Variants in SPIN1 observed in about 807,000 individuals in gnomAD.
SPIN1 encodes spindlin-1.
A neutral mutation model predicts 26.0 loss-of-function variants in SPIN1; 3 were observed. The observed-to-expected ratio is 0.12, with a 90% CI of 0.05 to 0.30. The LOEUF (loss-of-function observed/expected upper bound fraction) is 0.30, where lower values mean the gene tolerates loss of function less well. Ranked by LOEUF, SPIN1 falls within the 10% of genes least tolerant of loss-of-function variation. The pLI is 1.00. For missense variants in SPIN1, 126 were observed against 333.4 expected (o/e 0.38, Z 4.84); for synonymous variants, 101 against 116.5 (o/e 0.87, Z 0.86).
At chr9:88,464,743 T>C (rs1828628617) in intron 4 of SPIN1, among the ~76,000 whole-genome samples, 1 of 138,428 alleles carries the variant, frequency 7.2e-6, no homozygotes, top group Non-Finnish European at 1.5e-5. Flanking sequence ...GACTAACTAC[T>C]TTTTTTTTAA....
chr9:88,459,900 C>G (rs565401942), intron 3 of SPIN1, among the ~76,000 whole-genome samples: 32 of 152,258 alleles, frequency 2.1e-4, no homozygotes, highest in African/African-American at 7.5e-4. Context: ...TTTTCTTTTC[C>G]TTGAGAACCT....
At chr9:88,459,427 C>A (rs1828533344) in intron 3 of SPIN1, among the ~76,000 whole-genome samples, 1 of 152,110 alleles carries the variant, frequency 6.6e-6, no homozygotes, top group Admixed American at 6.5e-5. Context: ...AGTAAAGTTA[C>A]AGACTTTTTG....
At chr9:88,463,843 C>T (rs1161295426) in intron 4 of SPIN1, among the ~76,000 whole-genome samples, 1 of 152,194 alleles carries the variant, frequency 6.6e-6, no homozygotes, top group South Asian at 2.1e-4. Flanking sequence ...ATCACCTGCT[C>T]TTCCTCTTGA....
intron 2 of SPIN1, among the ~76,000 whole-genome samples, chr9:88,441,454 C>G (rs775725405): frequency 2.8e-5 from 4 of 141,702 alleles, no homozygotes; most frequent in Non-Finnish European, 4.5e-5. Context: ...TACATTGTTG[C>G]TCAATTAAGA....
chr9:88,437,433 A>G (rs1000622940), intron 2 of SPIN1, among the ~76,000 whole-genome samples: 1 of 151,842 alleles, frequency 6.6e-6, no homozygotes, highest in African/African-American at 2.4e-5. Context: ...AGGAGGGAGA[A>G]GCTTCAGTGA....
Position 88,468,381 on chromosome 9 carries a change from G to A in SPIN1, c.365G>A (p.Arg122Gln). 6.5e-7 allele frequency: 1 copy of A among 1,527,894 alleles called. No individual in the cohort carries two copies. Among genetic ancestry groups the A allele is most frequent in the Non-Finnish European group, 8.8e-7 (1 of 1,134,602 alleles). 94.6% of individuals were successfully genotyped at this position (1,527,894 alleles called of 1,614,324 possible). A position where few individuals can be genotyped will look rare whatever the true frequency, so the allele number is the denominator to read the frequency against. The change falls in exon 5 of 6, where the codon CGA becomes CAA. Residue 122 changes from arginine (R) to glutamine (Q), a missense_variant. Arg to Gln is a conservative substitution (Grantham distance 43). Coordinates refer to ENST00000375859, the MANE Select transcript of SPIN1 (RefSeq NM_006717.3). ...EVLPDRVATS[R>Q]ISDAHLADTM... ...TTTTTTTAATCCCCAGCGACATCTC[G>A]AATCAGCGATGCACACTTGGCAGAC...
chr9:88,471,828 CT>C (rs200130156), intron 5 of SPIN1, among the ~76,000 whole-genome samples: 11 of 149,178 alleles, frequency 7.4e-5, no homozygotes, highest in Admixed American at 4.0e-4. Flanking sequence ...TTGAGTCCTG[CT>C]TTTTTTTTTC....
At chr9:88,408,591 G>C (rs1450171167) in intron 1 of SPIN1, among the ~76,000 whole-genome samples, 3 of 151,390 alleles carry the variant, frequency 2.0e-5, no homozygotes, top group Non-Finnish European at 2.9e-5. Flanking sequence ...TGGGCAGGCT[G>C]GTCTTGAACT....
At chr9:88,452,223 T>C (rs1035841805) in intron 3 of SPIN1, among the ~76,000 whole-genome samples, 1 of 152,186 alleles carries the variant, frequency 6.6e-6, no homozygotes, top group African/African-American at 2.4e-5. Flanking sequence ...GTAGGAACTG[T>C]GACCCCTTAC....
In SPIN1 at chr9:88,398,689, C is replaced by T. The variant is rs531751419; in HGVS notation, c.-159+10151C>T. On this transcript the variant is annotated intron_variant, in intron 1 of 5. Transcript: ENST00000375859. ...CTCGTGGGATCAAGCAATTCTCCTG[C>T]CTCAGCCTCCTGAGTAGCTGGGATT... Among the ~76,000 whole-genome samples the T allele has an allele frequency of 1.3e-3, 192 of 152,112 alleles. 1 individual carries two copies. The highest frequency in any genetic ancestry group is 4.4e-3 in the African/African-American group (181 of 41,522).
At chr9:88,415,890 C>T (rs1299651923) in intron 1 of SPIN1, among the ~76,000 whole-genome samples, 1 of 151,522 alleles carries the variant, frequency 6.6e-6, no homozygotes, top group African/African-American at 2.4e-5. Context: ...ACTACAGGCG[C>T]CAGCCACCAT....
chr9:88,430,337 A>T (rs1268739907), intron 2 of SPIN1, among the ~76,000 whole-genome samples: 1 of 152,196 alleles, frequency 6.6e-6, no homozygotes, highest in South Asian at 2.1e-4. Context: ...GGAGGCTTCC[A>T]GATAGTATCC....
chr9:88,445,878 A>AT (rs1828240901), intron 2 of SPIN1, among the ~76,000 whole-genome samples: 1 of 152,154 alleles, frequency 6.6e-6, no homozygotes, highest in Non-Finnish European at 1.5e-5. Flanking sequence ...ATCTGAGTGA[A>AT]TATTTCCATG....
At chr9:88,426,196 A>G (rs890621281) in intron 1 of SPIN1, among the ~76,000 whole-genome samples, 186 bp from the exon 2 acceptor site, 7 of 151,958 alleles carry the variant, frequency 4.6e-5, no homozygotes, top group African/African-American at 1.7e-4. Flanking sequence ...AGAGTCTATC[A>G]CCTCTTTTTC....
intron 3 of SPIN1, chr9:88,457,674 C>A: frequency 4.4e-6 from 1 of 227,300 alleles, no homozygotes; most frequent in Non-Finnish European, 7.3e-6. Flanking sequence ...GGGAAAAAGA[C>A]TTTGAACCTG....
chr9:88,447,923 A>G (rs12339328), intron 2 of SPIN1, among the ~76,000 whole-genome samples: 28,612 of 152,136 alleles, frequency 0.19, 3,487 homozygotes, highest in African/African-American at 0.35. Flanking sequence ...GCTGCCTATC[A>G]GCCAGCATCT....
intron 3 of SPIN1, among the ~76,000 whole-genome samples, chr9:88,460,603 A>T (rs898451838): frequency 1.3e-5 from 2 of 152,202 alleles, no homozygotes; most frequent in African/African-American, 4.8e-5. Context: ...TTCATTCTGC[A>T]GGTCTAGAAC....
rs1337188808 is a variant in SPIN1 at position 88,426,488 on chromosome 9, T to G, written c.-52T>G. The G allele has an allele frequency of 6.8e-7, 1 of 1,480,798 alleles. No homozygotes were observed. The allele number at this position is 1,480,798 out of a possible 1,614,324, so 91.7% of individuals were successfully genotyped here. A position where few individuals can be genotyped will look rare whatever the true frequency, so the allele number is the denominator to read the frequency against. On this transcript the variant is annotated 5_prime_UTR_variant, in exon 2 of 6. Transcript: ENST00000375859. Reference sequence around the variant, plus strand: ...GTGAAAAGTTTCAAATTGGAGAATATTGAATTTTCACCCTAGTCCAGCAGC... The same window carrying G: ...GTGAAAAGTTTCAAATTGGAGAATAGTGAATTTTCACCCTAGTCCAGCAGC...
At chr9:88,464,576 A>C (rs1306604484) in intron 4 of SPIN1, among the ~76,000 whole-genome samples, 1 of 152,174 alleles carries the variant, frequency 6.6e-6, no homozygotes, top group Non-Finnish European at 1.5e-5. Context: ...GTTAAGCTGT[A>C]ATTCGCGCTT....
Sources: gnomAD v4.1 joint callset for allele counts (sites outside exome capture counted in the v4.1 genomes callset) on GRCh38, gnomAD v4.1.1 for gene constraint, MANE v1.5 for transcripts, NCBI Gene and HGNC (gene_info 2026-07-23, HGNC 2026-07-21) for gene names.